Variants in GLCCI1 observed in about 807,000 individuals in gnomAD.
GLCCI1 encodes glucocorticoid-induced transcript 1 protein.
GLCCI1 carries 24 observed loss-of-function variants against 52.2 expected under a neutral mutation model. The observed-to-expected ratio is 0.46, with a 90% CI of 0.33 to 0.65. GLCCI1 has a LOEUF of 0.65. Among genes scored for constraint, GLCCI1 ranks in the 30% least tolerant of loss-of-function variants. GLCCI1 has a pLI of 0.02. For synonymous variants in GLCCI1, 310 were observed against 276.5 expected (o/e 1.12, Z -1.20); for missense variants, 704 against 701.5 (o/e 1.00, Z -0.04).
intron 1 of GLCCI1, chr7:7,981,362 G>A (rs1453816434): frequency 2.2e-5 from 5 of 226,326 alleles, no homozygotes; most frequent in Admixed American, 6.3e-5. Context: ...TCACTCTGTT[G>A]CTTAAGCTGG....
intron 5 of GLCCI1, among the ~76,000 whole-genome samples, chr7:8,060,450 C>A (rs1043216803): frequency 1.3e-5 from 2 of 152,128 alleles, no homozygotes; most frequent in Admixed American, 6.5e-5. Context: ...TTTCATCACC[C>A]CAAAAAGAAA....
intron 4 of GLCCI1, 48 bp downstream of exon 4, chr7:8,055,597 A>G: frequency 9.3e-7 from 1 of 1,074,080 alleles, no homozygotes; most frequent in Non-Finnish European, 1.4e-6. Context: ...TTAGTTCATT[A>G]AGGAAGGGAA....
chr7:8,071,518 A>G (rs1782761912), intron 6 of GLCCI1, among the ~76,000 whole-genome samples: 1 of 152,256 alleles, frequency 6.6e-6, no homozygotes, highest in African/African-American at 2.4e-5. Flanking sequence ...TTGCGAGGAA[A>G]TAATTTCTAA....
Position 8,076,077 on chromosome 7 carries a change from G to A in GLCCI1, c.1177+4946G>A, listed in dbSNP as rs150827837. Among the ~76,000 whole-genome samples, 523 of 152,140 alleles carry A rather than the reference G, an allele frequency of 3.4e-3. 3 individuals are homozygous for A. Among genetic ancestry groups the A allele is most frequent in the South Asian group, 5.4e-3 (26 of 4,818 alleles). On this transcript the variant is annotated intron_variant, in intron 6 of 7. Coordinates refer to ENST00000223145, the MANE Select transcript of GLCCI1 (RefSeq NM_138426.4). ...TTGGCATCTTCCTATTCCTTTATAC[G>A]TATATTTTAACATACTTGTATTTAT...
intron 1 of GLCCI1, chr7:7,981,305 T>C: frequency 1.2e-5 from 3 of 244,854 alleles, no homozygotes; most frequent in Middle Eastern, 1.4e-3. Context: ...TTTCTCTCTT[T>C]CTTTCTGTCT....
intron 3 of GLCCI1, among the ~76,000 whole-genome samples, chr7:8,052,196 T>C (rs139410497): frequency 1.3e-5 from 2 of 152,320 alleles, no homozygotes; most frequent in East Asian, 3.8e-4. Context: ...TACAGCTTGC[T>C]GAGTAGAGCT....
At chr7:8,059,016 T>A (rs1483284471) in intron 4 of GLCCI1, among the ~76,000 whole-genome samples, 1 of 152,128 alleles carries the variant, frequency 6.6e-6, no homozygotes, top group Non-Finnish European at 1.5e-5. Context: ...TGAATCATCA[T>A]AAAGGTCTTC....
chr7:8,081,770 T>C (rs1362870210), intron 6 of GLCCI1, among the ~76,000 whole-genome samples: 1 of 152,224 alleles, frequency 6.6e-6, no homozygotes, highest in African/African-American at 2.4e-5. Flanking sequence ...ATTTTAATGG[T>C]AAATATGGTA....
At chr7:8,003,578 A>T (rs1350936468) in intron 1 of GLCCI1, among the ~76,000 whole-genome samples, 2 of 152,232 alleles carry the variant, frequency 1.3e-5, no homozygotes, top group Non-Finnish European at 2.9e-5. Flanking sequence ...GGATACAGGG[A>T]TAGCAGTTAG....
chr7:8,038,899 C>CA (rs1348492743), intron 3 of GLCCI1, among the ~76,000 whole-genome samples: 1 of 151,748 alleles, frequency 6.6e-6, no homozygotes, highest in Non-Finnish European at 1.5e-5. Context: ...ACAAGGAAGT[C>CA]AAACAATGCA....
chr7:8,040,693 G>C (rs994161391), intron 3 of GLCCI1, among the ~76,000 whole-genome samples: 2 of 152,058 alleles, frequency 1.3e-5, no homozygotes, highest in African/African-American at 2.4e-5. Context: ...TTCTCAAAAA[G>C]GTAAACAGAA....
intron 1 of GLCCI1, among the ~76,000 whole-genome samples, chr7:7,987,206 C>T (rs1375680119): frequency 6.6e-6 from 1 of 152,200 alleles, no homozygotes; most frequent in Non-Finnish European, 1.5e-5. Flanking sequence ...CCAAACTGAA[C>T]TCACTTTCTT....
chr7:8,009,371 A>G (rs1362489597), intron 2 of GLCCI1, among the ~76,000 whole-genome samples: 1 of 152,222 alleles, frequency 6.6e-6, no homozygotes, highest in African/African-American at 2.4e-5. Flanking sequence ...TTTAAATGCG[A>G]AAGTAATATA....
intron 6 of GLCCI1, among the ~76,000 whole-genome samples, chr7:8,079,791 G>C (rs971378305): frequency 5.3e-5 from 8 of 151,450 alleles, no homozygotes; most frequent in Non-Finnish European, 1.2e-4. Flanking sequence ...ATGGGCCTTG[G>C]AATGTAAGTT....
At chr7:7,980,535 T>C in intron 1 of GLCCI1, 1 of 492,536 alleles carries the variant, frequency 2.0e-6, no homozygotes, top group South Asian at 3.3e-5. Flanking sequence ...TACAAAGGTA[T>C]TTTATCATAC....
intron 1 of GLCCI1, among the ~76,000 whole-genome samples, chr7:7,972,880 G>A (rs1475290718): frequency 6.6e-6 from 1 of 152,136 alleles, no homozygotes; most frequent in Non-Finnish European, 1.5e-5. Context: ...CAAATACCTT[G>A]CTGTATATAT....
intron 1 of GLCCI1, among the ~76,000 whole-genome samples, chr7:8,000,666 A>G (rs1490254481): frequency 6.6e-6 from 1 of 152,110 alleles, no homozygotes; most frequent in East Asian, 1.9e-4. Context: ...GAAAGAAAGC[A>G]GAAGGGGGTC....
rs79501021 is a variant in GLCCI1, at chr7:8,011,417, T to C, written c.609+7358T>C. On this transcript the variant is annotated intron_variant, in intron 2 of 7. Transcript: ENST00000223145. ...TACAGTATTTTCCTTTTTTGTCTGGTTTATTTTACTTAGTATAATGATTTC... is the reference window on the plus strand; with the variant it reads ...TACAGTATTTTCCTTTTTTGTCTGGCTTATTTTACTTAGTATAATGATTTC... 4.6e-3 allele frequency among the ~76,000 whole-genome samples: 699 copies of C among 152,286 alleles called. 3 individuals are homozygous for C. The highest frequency in any genetic ancestry group is 0.016 in the African/African-American group (652 of 41,510).
intron 3 of GLCCI1, among the ~76,000 whole-genome samples, chr7:8,029,922 T>C (rs916169697): frequency 6.6e-6 from 1 of 152,154 alleles, no homozygotes; most frequent in Admixed American, 6.5e-5. Flanking sequence ...AATGGAAGGA[T>C]ACTTCATGTT....
Sources: gnomAD v4.1 joint callset for allele counts (sites outside exome capture counted in the v4.1 genomes callset) on GRCh38, gnomAD v4.1.1 for gene constraint, MANE v1.5 for transcripts, NCBI Gene and HGNC (gene_info 2026-07-23, HGNC 2026-07-21) for gene names.